CACNA1E: variants seen among roughly 807,000 people sequenced by gnomAD.
CACNA1E encodes the protein voltage-dependent R-type calcium channel subunit alpha-1E.
In CACNA1E, 40 loss-of-function variants were observed where a neutral mutation model predicts 259.2. The ratio of observed to expected loss-of-function variants is 0.15; its 90% CI spans 0.12 to 0.20. CACNA1E has a LOEUF of 0.20. Among genes scored for constraint, CACNA1E ranks in the 10% least tolerant of loss-of-function variants. CACNA1E has a pLI of 1.00. For missense variants in CACNA1E, 1,874 were observed against 3,040.1 expected (o/e 0.62, Z 9.02); for synonymous variants, 1,104 against 1,138.5 (o/e 0.97, Z 0.61).
At chr1:181,622,150 C>A (rs1655782916) in intron 6 of CACNA1E, among the ~76,000 whole-genome samples, 2 of 152,212 alleles carry the variant, frequency 1.3e-5, no homozygotes, top group Admixed American at 1.3e-4. Context: ...CTGCCTCATG[C>A]CTATTTCCAT....
intron 37 of CACNA1E, among the ~76,000 whole-genome samples, chr1:181,773,601 C>T (rs1017079463): frequency 2.6e-5 from 4 of 152,160 alleles, no homozygotes; most frequent in African/African-American, 9.7e-5. Flanking sequence ...TTCACATCTT[C>T]AGCACATTTT....
rs1659568976 is a variant in CACNA1E at position 181,772,083 on chromosome 1, C to G, written c.4991C>G (p.Ala1664Gly). 6.2e-7 allele frequency: 1 copy of G among 1,613,722 alleles called. No homozygotes were observed. Among genetic ancestry groups the G allele is most frequent in the African/African-American group, 1.3e-5 (1 of 74,892 alleles). Residue 1664 changes from alanine to glycine, a missense_variant, in exon 37 of 48, where the codon GCC becomes GGC. By Grantham distance (60) the Ala-to-Gly change is moderately conservative. Around this residue, in one of 14 missense-constraint regions of CACNA1E, gnomAD observed 147 missense variants for 337.1 expected, o/e 0.44. Transcript: ENST00000367573. ...MLLFRSATGE[A>G]WQEIMLSCLG... ...GGGCTCAGGAGTGCCACAGGTGAGG[C>G]CTGGCAGGAGATTATGCTGTCATGC... is the stretch of plus-strand genomic sequence containing the variant.
intron 6 of CACNA1E, among the ~76,000 whole-genome samples, chr1:181,583,155 C>A (rs1191034526): frequency 6.6e-6 from 1 of 151,338 alleles, no homozygotes; most frequent in Non-Finnish European, 1.5e-5. Flanking sequence ...CTTATACACA[C>A]TGGTTGCGTA....
intron 3 of CACNA1E, among the ~76,000 whole-genome samples, chr1:181,542,622 A>C (rs1668678449): frequency 6.6e-6 from 1 of 151,992 alleles, no homozygotes; most frequent in Non-Finnish European, 1.5e-5. Context: ...TGCCTTGTGA[A>C]GAAAGTGTCT....
intron 9 of CACNA1E, among the ~76,000 whole-genome samples, chr1:181,715,673 C>T (rs1383287532): frequency 6.6e-6 from 1 of 152,194 alleles, no homozygotes. Context: ...CCAATGCTAT[C>T]TAAAGGGACC....
chr1:181,357,553 GC>G (rs1557938993), intron 1 of CACNA1E, among the ~76,000 whole-genome samples: 1 of 152,160 alleles, frequency 6.6e-6, no homozygotes, highest in Non-Finnish European at 1.5e-5. Context: ...ATGCTGCCAG[GC>G]AGCCTCTGTG....
At chr1:181,533,066 T>C (rs1173222678) in intron 3 of CACNA1E, among the ~76,000 whole-genome samples, 3 of 151,996 alleles carry the variant, frequency 2.0e-5, no homozygotes, top group African/African-American at 7.3e-5. Context: ...AAAAATAAGT[T>C]GGTTACATTA....
chr1:181,616,348 T>TC (rs1047897952), intron 6 of CACNA1E, among the ~76,000 whole-genome samples: 6 of 151,902 alleles, frequency 3.9e-5, no homozygotes, highest in African/African-American at 1.4e-4. Flanking sequence ...TTGTTTTGTT[T>TC]TTTTTGTTTT....
In CACNA1E at chr1:181,590,635, G is replaced by A. The variant is rs140210759; in HGVS notation, c.951+9859G>A. ...TTCTTGAGAAGCAGTGACCCAAGGCGGGGCCCTTCCTTGCAGTGTGCAGTC... is the reference window on the plus strand; with the variant it reads ...TTCTTGAGAAGCAGTGACCCAAGGCAGGGCCCTTCCTTGCAGTGTGCAGTC... On this transcript the variant is annotated intron_variant, in intron 6 of 47. Coordinates refer to ENST00000367573, the MANE Select transcript of CACNA1E (RefSeq NM_001205293.3). Among the ~76,000 whole-genome samples, 27 of 152,110 alleles carry A rather than the reference G, an allele frequency of 1.8e-4. No homozygotes were observed. The East Asian group carries it at 2.3e-3, about 13-fold the overall frequency.
intron 2 of CACNA1E, among the ~76,000 whole-genome samples, chr1:181,467,474 A>G (rs1181604236): frequency 1.3e-5 from 2 of 152,146 alleles, no homozygotes; most frequent in Non-Finnish European, 2.9e-5. Flanking sequence ...GAGAAATCCT[A>G]TTTATTTGAA....
At chr1:181,588,044 A>C (rs1652263687) in intron 6 of CACNA1E, among the ~76,000 whole-genome samples, 1 of 152,188 alleles carries the variant, frequency 6.6e-6, no homozygotes, top group Non-Finnish European at 1.5e-5. Context: ...CACTGCCCCC[A>C]GTGGAAGGAG....
Position 181,750,476 on chromosome 1 carries a change from G to T in CACNA1E, c.3720G>T (p.Ala1240=), listed in dbSNP as rs1657494883. 3 of 1,613,068 alleles carry T rather than the reference G, an allele frequency of 1.9e-6. No individual in the cohort carries two copies. The highest frequency in any genetic ancestry group is 2.5e-6 in the Non-Finnish European group (3 of 1,179,438). ...TGCTCTCTGATTGGATCCTCCATAG[G>T]AACGCTTTGGGGTAAATATGTTCGA... ...VVGALVAFAL[A]NALGTNKGRD... is the part of the protein sequence containing the mutation. Residue 1240 remains alanine, a splice_region_variant and synonymous_variant, in exon 26 of 48, where the codon GCG becomes GCT. Transcript: ENST00000367573.
At chr1:181,621,366 A>G (rs1655703361) in intron 6 of CACNA1E, among the ~76,000 whole-genome samples, 2 of 152,238 alleles carry the variant, frequency 1.3e-5, no homozygotes, top group African/African-American at 2.4e-5. Context: ...AAAACCATAA[A>G]CCAGGAAAAG....
At chr1:181,705,632 G>C (rs918369932) in intron 7 of CACNA1E, among the ~76,000 whole-genome samples, 1 of 152,232 alleles carries the variant, frequency 6.6e-6, no homozygotes, top group African/African-American at 2.4e-5. Flanking sequence ...TCCCTCAGAG[G>C]AGCCAGGTTT....
chr1:181,753,732 G>A (rs1348729747), intron 27 of CACNA1E, among the ~76,000 whole-genome samples: 1 of 152,192 alleles, frequency 6.6e-6, no homozygotes, highest in South Asian at 2.1e-4. Flanking sequence ...CTTTGCCCAC[G>A]CCTACCCCAG....
intron 1 of CACNA1E, among the ~76,000 whole-genome samples, chr1:181,363,491 C>T (rs944507282): frequency 6.6e-5 from 10 of 152,038 alleles, no homozygotes; most frequent in African/African-American, 2.2e-4. Context: ...GGAAGTGCTT[C>T]GAGGAGACAG....
At chr1:181,564,189 T>C (rs1473600297) in intron 3 of CACNA1E, among the ~76,000 whole-genome samples, 1 of 152,218 alleles carries the variant, frequency 6.6e-6, no homozygotes, top group African/African-American at 2.4e-5. Flanking sequence ...TGAAATATTT[T>C]TCTGTTGCTT....
At chr1:181,793,910 A>C in intron 45 of CACNA1E, 117 bp downstream of exon 45, 1 of 1,129,704 alleles carries the variant, frequency 8.9e-7, no homozygotes. Context: ...CTTCCCTATA[A>C]ATAAAACCTG....
At chr1:181,553,579 C>T (rs1648415166) in intron 3 of CACNA1E, among the ~76,000 whole-genome samples, 1 of 152,098 alleles carries the variant, frequency 6.6e-6, no homozygotes, top group South Asian at 2.1e-4. Flanking sequence ...TTGTCTCGTG[C>T]CAGTTTTCAA....
Sources: gnomAD v4.1 joint callset for allele counts (sites outside exome capture counted in the v4.1 genomes callset) on GRCh38, gnomAD v4.1.1 for gene constraint, gnomAD v4.1.1 regional missense constraint, MANE v1.5 for transcripts, NCBI Gene and HGNC (gene_info 2026-07-23, HGNC 2026-07-21) for gene names.